COL13A1: variants seen among roughly 807,000 people sequenced by gnomAD.
The protein encoded by COL13A1 is collagen alpha-1(XIII) chain.
Under a neutral mutation model 130.9 loss-of-function variants are expected in COL13A1, and 89 were observed. The observed-to-expected ratio is 0.68, with a 90% confidence interval of 0.57 to 0.81. The LOEUF is 0.81. Ranked by LOEUF, COL13A1 falls within the 30% of genes least tolerant of loss-of-function variation. The pLI is 0.00. For missense variants in COL13A1, 879 were observed against 934.6 expected, an observed-to-expected ratio of 0.94 and a Z score of 0.78; for synonymous variants, 402 against 341.6, an observed-to-expected ratio of 1.18 and a Z score of -1.95.
intron 30 of COL13A1, chr10:69,931,319 G>C: frequency 2.3e-6 from 1 of 427,980 alleles, no homozygotes; most frequent in South Asian, 1.7e-5. Context: ...GGTCCTCCTG[G>C]GGGCCACCAG....
At position 69,831,965 on chromosome 10, in the gene COL13A1, G is replaced by A. The variant is rs142191600; in HGVS notation, c.364+9527G>A. Among the ~76,000 whole-genome samples, 41 of 152,282 alleles carry A rather than the reference G, an allele frequency of 2.7e-4. No homozygotes were observed. The East Asian group carries it at 3.3e-3, about 12-fold the overall frequency. On this transcript the variant is annotated intron_variant, in intron 2 of 40. Transcript: ENST00000645393. ...ATGTGGGGCCCGACACACACTTGGCGGGAAATGATTGTTAGTTGCCACGAT... is the reference window on the plus strand; with the variant it reads ...ATGTGGGGCCCGACACACACTTGGCAGGAAATGATTGTTAGTTGCCACGAT...
intron 24 of COL13A1, 76 bp downstream of exon 24, chr10:69,923,931 T>A: frequency 6.5e-7 from 1 of 1,546,266 alleles, no homozygotes; most frequent in Non-Finnish European, 8.8e-7. Context: ...CGGCCGACCC[T>A]AGGGGTATCC....
At chr10:69,822,999 A>G (rs1460997856) in intron 2 of COL13A1, among the ~76,000 whole-genome samples, 1 of 152,256 alleles carries the variant, frequency 6.6e-6, no homozygotes, top group Non-Finnish European at 1.5e-5. Flanking sequence ...GCAAGGTGAT[A>G]CTGTGTAATA....
At chr10:69,900,047 C>T (rs1223667949) in intron 14 of COL13A1, among the ~76,000 whole-genome samples, 1 of 152,180 alleles carries the variant, frequency 6.6e-6, no homozygotes, top group Non-Finnish European at 1.5e-5. Flanking sequence ...TTACGCCTGG[C>T]CAAATCCTCG....
At chr10:69,947,410 C>T (rs1157225743) in intron 38 of COL13A1, 68 bp downstream of exon 38, 6 of 1,423,462 alleles carry the variant, frequency 4.2e-6, no homozygotes, top group South Asian at 3.8e-5. Flanking sequence ...AATGATCGAT[C>T]GGTGATTCCT....
intron 2 of COL13A1, among the ~76,000 whole-genome samples, chr10:69,847,603 A>G (rs1853514381): frequency 6.6e-6 from 1 of 152,218 alleles, no homozygotes; most frequent in South Asian, 2.1e-4. Context: ...GCTATGGCCT[A>G]CAGACCTTGT....
At chr10:69,826,449 A>C (rs1268666246) in intron 2 of COL13A1, among the ~76,000 whole-genome samples, 1 of 152,214 alleles carries the variant, frequency 6.6e-6, no homozygotes, top group Non-Finnish European at 1.5e-5. Flanking sequence ...AGGCTTGTGC[A>C]CTAGCGCCAT....
chr10:69,943,111 G>T (rs576444513), intron 35 of COL13A1, among the ~76,000 whole-genome samples: 1 of 152,194 alleles, frequency 6.6e-6, no homozygotes, highest in Admixed American at 6.5e-5. Flanking sequence ...GCCTCCCAAA[G>T]TGCTGGGATT....
At chr10:69,860,128 G>A (rs1247475553) in intron 2 of COL13A1, among the ~76,000 whole-genome samples, 2 of 152,202 alleles carry the variant, frequency 1.3e-5, no homozygotes, top group Admixed American at 6.5e-5. Flanking sequence ...TCACTCTGGG[G>A]TTCCCGGCCT....
intron 7 of COL13A1, among the ~76,000 whole-genome samples, chr10:69,886,615 A>G (rs2060614528): frequency 6.6e-6 from 1 of 152,222 alleles, no homozygotes; most frequent in Admixed American, 6.5e-5. Flanking sequence ...CATGGTAGAA[A>G]GGAGCCTTTG....
intron 2 of COL13A1, among the ~76,000 whole-genome samples, chr10:69,833,898 G>T (rs147231512): frequency 6.6e-6 from 1 of 152,240 alleles, no homozygotes; most frequent in East Asian, 1.9e-4. Context: ...GAGGGAGTTG[G>T]ACACCACCCT....
chr10:69,862,900 A>G (rs998471874), intron 2 of COL13A1, among the ~76,000 whole-genome samples: 3 of 152,222 alleles, frequency 2.0e-5, no homozygotes, highest in Non-Finnish European at 4.4e-5. Flanking sequence ...CACAGAGTAC[A>G]TACTCTGTAG....
intron 27 of COL13A1, 103 bp downstream of exon 27, chr10:69,927,213 C>G: frequency 6.4e-7 from 1 of 1,557,240 alleles, no homozygotes; most frequent in Non-Finnish European, 8.8e-7. Context: ...AAAGCAGGTA[C>G]TGGGCTGCAG....
chr10:69,882,728 A>G (rs891586203), intron 7 of COL13A1, among the ~76,000 whole-genome samples: 29 of 152,292 alleles, frequency 1.9e-4, no homozygotes, highest in African/African-American at 6.7e-4. Flanking sequence ...TCAGGAGAAA[A>G]AAGTCCTCCA....
intron 31 of COL13A1, among the ~76,000 whole-genome samples, chr10:69,932,832 G>A (rs1395272094): frequency 6.6e-6 from 1 of 152,064 alleles, no homozygotes; most frequent in Non-Finnish European, 1.5e-5. Context: ...CTAGAGTCTG[G>A]AGATACGAAA....
intron 39 of COL13A1, chr10:69,954,753 C>A (rs2070308898): frequency 6.6e-6 from 1 of 152,258 alleles, no homozygotes; most frequent in Non-Finnish European, 1.5e-5. Context: ...CATTACCAGA[C>A]CCTTCCTCGT....
chr10:69,864,792 GC>G (rs1564883082), intron 2 of COL13A1, among the ~76,000 whole-genome samples: 1 of 152,178 alleles, frequency 6.6e-6, no homozygotes, highest in Admixed American at 6.5e-5. Flanking sequence ...AACGGTAGTG[GC>G]CTCAGCAGGA....
intron 7 of COL13A1, 53 bp downstream of exon 7, chr10:69,880,606 A>C (rs1030893307): frequency 2.5e-6 from 4 of 1,584,912 alleles, no homozygotes; most frequent in Admixed American, 3.4e-5. Flanking sequence ...TGAGTTGATG[A>C]AAAGGGCTTT....
intron 21 of COL13A1, 67 bp downstream of exon 21, chr10:69,919,794 C>A: frequency 5.0e-6 from 2 of 398,652 alleles, no homozygotes; most frequent in Non-Finnish European, 8.8e-6. Flanking sequence ...ACTCTCTGGC[C>A]TTCCTCCATG....
Sources: gnomAD v4.1 joint callset for allele counts (sites outside exome capture counted in the v4.1 genomes callset) on GRCh38, gnomAD v4.1.1 for gene constraint, MANE v1.5 for transcripts, NCBI Gene and HGNC (gene_info 2026-07-23, HGNC 2026-07-21) for gene names.